The following COPRS variants were observed in gnomAD, a reference collection of about 807,000 sequenced individuals.
The protein encoded by COPRS is coordinator of PRMT5 and differentiation stimulator, also known as cooperator of PRMT5.
In COPRS, 11 loss-of-function variants were observed where a neutral mutation model predicts 19.9. That is an observed-to-expected ratio of 0.55 (90% CI 0.35 to 0.92). The LOEUF (loss-of-function observed/expected upper bound fraction) is 0.92, where lower values mean the gene tolerates loss of function less well. Among genes scored for constraint, COPRS ranks in the 40% least tolerant of loss-of-function variants. The pLI is 0.01. For missense variants in COPRS, 225 were observed against 229.9 expected (o/e 0.98, Z 0.14); for synonymous variants, 81 against 82.7 (o/e 0.98, Z 0.11).
intron 2 of COPRS, among the ~76,000 whole-genome samples, chr17:31,855,558 C>T (rs761098851): frequency 1.2e-4 from 18 of 151,568 alleles, no homozygotes; most frequent in South Asian, 2.1e-4. Flanking sequence ...ATATGGTGCA[C>T]GCCTGTAATC....
At chr17:31,858,150 C>T (rs1405873423) in intron 1 of COPRS, among the ~76,000 whole-genome samples, 1 of 152,182 alleles carries the variant, frequency 6.6e-6, no homozygotes, top group Admixed American at 6.5e-5. Flanking sequence ...CACGTCCCCT[C>T]TTCTCCCACT....
chr17:31,854,615 G>T (rs1909272891), intron 2 of COPRS, among the ~76,000 whole-genome samples: 1 of 152,138 alleles, frequency 6.6e-6, no homozygotes, highest in South Asian at 2.1e-4. Context: ...GCATATGATG[G>T]AATTATTCAG....
Position 31,859,154 on chromosome 17 carries a change from G to T in COPRS, c.46C>A (p.Pro16Thr). Residue 16 changes from proline (P) to threonine (T), a missense_variant, in exon 1 of 4, where the codon CCG becomes ACG. Physicochemically the swap from Pro to Thr is conservative, Grantham distance 38. Transcript: ENST00000302362. ...CTAGGCAGCGGCGGGCCCCGAGACG[G>T]CTCCGCGGCCCCCTGCGCCTGGGCC... Reference protein sequence around the residue: ...AGAQAQGAAEPSRGPPLPSAR... With the variant: ...AGAQAQGAAETSRGPPLPSAR... 1 of 1,074,358 alleles carries T rather than the reference G, an allele frequency of 9.3e-7. No homozygotes were observed. 66.6% of individuals were successfully genotyped at this position (1,074,358 alleles called of 1,614,324 possible).
rs1909186134 is a variant in COPRS at position 31,852,205 on chromosome 17, A to T, written c.489T>A (p.Pro163=). The change falls in exon 4 of 4, where the codon CCT becomes CCA. Residue 163 remains proline (P), a synonymous_variant. Coordinates refer to ENST00000302362, the MANE Select transcript of COPRS (RefSeq NM_018405.4). The part of the protein sequence containing the change: ...MIYDPSWHHP[P]PLIPYYSKMV... Reference sequence around the variant, plus strand: ...TCTTGGAATAATAGGGTATCAGTGGAGGCGGATGGTGCCAGCTGGGGTCAT... The same window carrying T: ...TCTTGGAATAATAGGGTATCAGTGGTGGCGGATGGTGCCAGCTGGGGTCAT... 1 of 1,614,006 alleles carries T rather than the reference A, an allele frequency of 6.2e-7. No individual in the cohort carries two copies. Among genetic ancestry groups the T allele is most frequent in the African/African-American group, 1.3e-5 (1 of 74,918 alleles).
chr17:31,854,656 C>CTACG (rs1397397026), intron 2 of COPRS, among the ~76,000 whole-genome samples: 1 of 152,194 alleles, frequency 6.6e-6, no homozygotes, highest in African/African-American at 2.4e-5. Flanking sequence ...CTGATACATG[C>CTACG]TACGGCATGG....
chr17:31,854,419 T>C (rs1909265140), intron 2 of COPRS, among the ~76,000 whole-genome samples: 1 of 114,140 alleles, frequency 8.8e-6, no homozygotes, highest in African/African-American at 3.3e-5. Flanking sequence ...ACTAGTTCCA[T>C]AACATAAATA....
rs769435524 is a variant in COPRS, at chr17:31,856,702, A to G, written c.166+97T>C. The G allele has an allele frequency of 7.2e-6, 6 of 829,190 alleles. No homozygotes were observed. In the African/African-American group the frequency reaches 1.0e-4, roughly 14 times the overall value. The allele number at this position is 829,190 out of a possible 1,614,324, so 51.4% of individuals were successfully genotyped here. ...GGCAGAGAAGGCCACTAAGCAGCAG[A>G]GAGGACTGGCTAAAAGAGAAGGTAA... On this transcript the variant is annotated intron_variant, in intron 2 of 3. Transcript: ENST00000302362.
Position 31,856,813 on chromosome 17 carries a change from G to C in COPRS, c.152C>G (p.Ala51Gly). 6.2e-7 allele frequency: 1 copy of C among 1,606,386 alleles called. No individual in the cohort carries two copies. The highest frequency in any genetic ancestry group is 8.5e-7 in the Non-Finnish European group (1 of 1,173,108). ...HSSQERETEK[A>G]MDRLARGTQS... ...CATCTACTTGCCTAGTCGATCCATA[G>C]CCTTCTCAGTCTCTCTCTCCTGACT... is the stretch of plus-strand genomic sequence containing the variant. Residue 51 changes from alanine (A) to glycine (G), a missense_variant, in exon 2 of 4, where the codon GCT (alanine) becomes GGT (glycine). Ala to Gly is a moderately conservative substitution (Grantham distance 60, BLOSUM62 0). Transcript: ENST00000302362.
intron 1 of COPRS, among the ~76,000 whole-genome samples, chr17:31,857,833 A>G (rs1909411181): frequency 6.6e-6 from 1 of 152,214 alleles, no homozygotes; most frequent in South Asian, 2.1e-4. Context: ...CAAGAATGTA[A>G]CATTTCTTGA....
rs536993861 is a variant in COPRS, at chr17:31,855,626, C to T, written c.166+1173G>A. On this transcript the variant is annotated intron_variant, in intron 2 of 3. Transcript: ENST00000302362. Reference sequence around the variant, plus strand: ...ACTTGAACCCGGGAGACAGAGGTTGCAGTGAGCCAAGATTGCGACACTGCA... The same window carrying T: ...ACTTGAACCCGGGAGACAGAGGTTGTAGTGAGCCAAGATTGCGACACTGCA... Among the ~76,000 whole-genome samples, 50 of 151,252 alleles carry T rather than the reference C, an allele frequency of 3.3e-4. 1 individual carries two copies. The South Asian group carries it at 0.01, about 30-fold the overall frequency.
chr17:31,858,095 C>G (rs1567770684), intron 1 of COPRS, among the ~76,000 whole-genome samples: 1 of 152,178 alleles, frequency 6.6e-6, no homozygotes, highest in Non-Finnish European at 1.5e-5. Flanking sequence ...TCAAAACCTT[C>G]AACAGCCCTC....
At chr17:31,858,952 C>G in intron 1 of COPRS, 149 bp downstream of exon 1, 1 of 1,411,790 alleles carries the variant, frequency 7.1e-7, no homozygotes, top group Non-Finnish European at 9.1e-7. Context: ...AGCTCGAGCG[C>G]GAGCCCAAAC....
At chr17:31,856,924 A>G in intron 1 of COPRS, 59 bp from the exon 2 acceptor site, 1 of 1,054,130 alleles carries the variant, frequency 9.5e-7, no homozygotes, top group South Asian at 1.3e-5. Flanking sequence ...CCCAGTATTC[A>G]GCTATTGCAT....
rs559964054 is a variant in COPRS, at chr17:31,851,979, C to T, written c.*160G>A. ...AACAACAACAGACTGGCGAGAATGA[C>T]GGGGCCTTATTGAACACTGTCAATA... On this transcript the variant is annotated 3_prime_UTR_variant, in exon 4 of 4. Coordinates refer to ENST00000302362, the MANE Select transcript of COPRS (RefSeq NM_018405.4). 7.3e-5 allele frequency: 50 copies of T among 685,122 alleles called. No individual in the cohort carries two copies. The South Asian group carries it at 8.0e-4, about 11-fold the overall frequency. The allele number at this position is 685,122 out of a possible 1,614,324, so 42.4% of individuals were successfully genotyped here.
At chr17:31,857,366 C>T (rs1456535570) in intron 1 of COPRS, among the ~76,000 whole-genome samples, 2 of 152,182 alleles carry the variant, frequency 1.3e-5, no homozygotes, top group Non-Finnish European at 2.9e-5. Context: ...CTGTTCCCTG[C>T]GGTTGCCACC....
At chr17:31,858,852 G>A (rs928090859) in intron 1 of COPRS, 43 of 1,546,740 alleles carry the variant, frequency 2.8e-5, no homozygotes, top group Non-Finnish European at 3.7e-5. Flanking sequence ...CCAGCGGGCG[G>A]ACAGCCGTCT....
At chr17:31,853,596 G>C (rs1909231920) in intron 2 of COPRS, among the ~76,000 whole-genome samples, 2 of 152,104 alleles carry the variant, frequency 1.3e-5, no homozygotes, top group South Asian at 4.1e-4. Context: ...TGGCCAGGCT[G>C]GTCTTGAACC....
intron 2 of COPRS, 149 bp from the exon 3 acceptor site, chr17:31,853,179 T>A (rs1419457859): frequency 7.4e-6 from 5 of 672,480 alleles, no homozygotes; most frequent in African/African-American, 5.5e-5. Context: ...AAAAATGCAC[T>A]TCTTTGTATG....
intron 1 of COPRS, among the ~76,000 whole-genome samples, chr17:31,857,677 C>T (rs1439637742): frequency 6.6e-6 from 1 of 152,196 alleles, no homozygotes; most frequent in Non-Finnish European, 1.5e-5. Flanking sequence ...TTGATCCCAG[C>T]TCTGCCATCC....
Sources: gnomAD v4.1 joint callset for allele counts (sites outside exome capture counted in the v4.1 genomes callset) on GRCh38, gnomAD v4.1.1 for gene constraint, MANE v1.5 for transcripts, NCBI Gene and HGNC (gene_info 2026-07-23, HGNC 2026-07-21) for gene names.